Variants in XPO6 observed in about 807,000 individuals in gnomAD.
XPO6 encodes exportin 6.
Under a neutral mutation model 130.0 loss-of-function variants are expected in XPO6, and 3 were observed. The observed-to-expected ratio is 0.02, with a 90% CI of 0.01 to 0.06. XPO6 has a LOEUF of 0.06. Ranked by LOEUF, XPO6 falls within the 10% of genes least tolerant of loss-of-function variation. The probability of loss-of-function intolerance (pLI) is 1.00; values close to 1 mark genes in which losing one functional copy is unlikely to be tolerated. For missense variants in XPO6, 970 were observed against 1,393.0 expected, an observed-to-expected ratio of 0.70 and a Z score of 4.83; for synonymous variants, 524 against 548.9, an observed-to-expected ratio of 0.95 and a Z score of 0.63.
At chr16:28,165,369 C>T (rs979526549) in intron 6 of XPO6, 4 of 152,228 alleles carry the variant, frequency 2.6e-5, no homozygotes, top group African/African-American at 9.6e-5. Flanking sequence ...TATAAATCTG[C>T]TGAGCCACCT....
At chr16:28,194,577 C>G (rs919570324) in intron 1 of XPO6, among the ~76,000 whole-genome samples, 47 of 152,108 alleles carry the variant, frequency 3.1e-4, no homozygotes, top group African/African-American at 1.1e-3. Context: ...ACTCCCAAAC[C>G]TAGTGTCTGT....
intron 15 of XPO6, among the ~76,000 whole-genome samples, chr16:28,114,780 T>G (rs1460878745): frequency 3.3e-5 from 5 of 152,228 alleles, no homozygotes; most frequent in African/African-American, 4.8e-5. Flanking sequence ...TGCCGTTTCA[T>G]AGCATTTTGC....
At chr16:28,103,367 C>T (rs372461224) in intron 21 of XPO6, among the ~76,000 whole-genome samples, 3 of 152,182 alleles carry the variant, frequency 2.0e-5, no homozygotes, top group Non-Finnish European at 4.4e-5. Context: ...GAGGCATGCA[C>T]GAGCCTGTTC....
chr16:28,158,957 C>T (rs1018074833), intron 6 of XPO6, among the ~76,000 whole-genome samples: 3 of 152,070 alleles, frequency 2.0e-5, no homozygotes, highest in Non-Finnish European at 4.4e-5. Flanking sequence ...AGGCCAGGAG[C>T]GGTGGCTCAC....
chr16:28,127,674 C>T lies in XPO6; in HGVS notation c.1607-1826G>A, dbSNP rs149627637. Among the ~76,000 whole-genome samples, 278 of 152,298 alleles carry T rather than the reference C, an allele frequency of 1.8e-3. 8 individuals are homozygous for T. The East Asian group carries it at 0.045, about 24-fold the overall frequency. ...AAATGAAGTAGCAGGCTGAATGCCTCGATCCGCCACCAACGTCAAGGGATG... is the reference window on the plus strand; with the variant it reads ...AAATGAAGTAGCAGGCTGAATGCCTTGATCCGCCACCAACGTCAAGGGATG... On this transcript the variant is annotated intron_variant, in intron 12 of 23. Coordinates refer to ENST00000304658, the MANE Select transcript of XPO6 (RefSeq NM_015171.4).
At chr16:28,208,847 G>A (rs1596984462) in intron 1 of XPO6, 1 of 152,312 alleles carries the variant, frequency 6.6e-6, no homozygotes, top group Non-Finnish European at 1.5e-5. Flanking sequence ...CCTGGTATAT[G>A]GTGGTGGCTA....
chr16:28,143,197 G>A (rs1247544656), intron 9 of XPO6, among the ~76,000 whole-genome samples: 2 of 152,254 alleles, frequency 1.3e-5, no homozygotes, highest in Non-Finnish European at 2.9e-5. Flanking sequence ...ACAGATGCCA[G>A]GGCAGGCAGG....
intron 12 of XPO6, among the ~76,000 whole-genome samples, chr16:28,126,170 CAT>C (rs2087402976): frequency 6.6e-6 from 1 of 152,216 alleles, no homozygotes; most frequent in Non-Finnish European, 1.5e-5. Flanking sequence ...ATCACTGTTA[CAT>C]ACAAGGAGGC....
chr16:28,106,094 G>A lies in XPO6; in HGVS notation c.2733C>T (p.Leu911=), dbSNP rs775173121. The change falls in exon 20 of 24, where the codon CTC becomes CTT. Residue 911 remains leucine, a synonymous_variant. Transcript: ENST00000304658. This position sits in a 1 kb window ranked among gnomAD's most constrained non-coding sequence, Gnocchi z 4.2. ...CCATGCACAGGGCGATGATGCTGGG[G>A]AGGAAGGGCTTGAACACCTGGCCTG... The part of the protein sequence containing the change: ...QEPGQVFKPF[L]PSIIALCMEQ... 6.8e-6 allele frequency: 11 copies of A among 1,614,080 alleles called. No homozygotes were observed. In the African/African-American group the frequency reaches 1.1e-4, roughly 16 times the overall value.
intron 1 of XPO6, among the ~76,000 whole-genome samples, chr16:28,198,986 A>G (rs2043911483): frequency 6.6e-6 from 1 of 152,112 alleles, no homozygotes; most frequent in South Asian, 2.1e-4. Flanking sequence ...TCTATTAAAA[A>G]TATAAAAATT....
At chr16:28,211,095 A>G (rs1343162303) in intron 1 of XPO6, among the ~76,000 whole-genome samples, 1 of 152,168 alleles carries the variant, frequency 6.6e-6, no homozygotes, top group Non-Finnish European at 1.5e-5. Context: ...AACGATAGTT[A>G]TTATCCGGAG....
At chr16:28,144,373 A>G (rs879405833) in intron 9 of XPO6, among the ~76,000 whole-genome samples, 1 of 152,220 alleles carries the variant, frequency 6.6e-6, no homozygotes, top group African/African-American at 2.4e-5. Flanking sequence ...TTAATTTTCA[A>G]TAGAGACAGA....
intron 1 of XPO6, among the ~76,000 whole-genome samples, chr16:28,210,460 G>A (rs891442456): frequency 7.9e-5 from 12 of 152,236 alleles, no homozygotes; most frequent in African/African-American, 2.9e-4. Context: ...GCCAGGAGCT[G>A]GAGCAGATAA....
At chr16:28,104,405 T>G (rs1037543147) in intron 21 of XPO6, 141 bp downstream of exon 21, 5 of 1,104,152 alleles carry the variant, frequency 4.5e-6, no homozygotes, top group Non-Finnish European at 6.4e-6. Context: ...AAACTGAGGC[T>G]CCAAGAAATT....
intron 6 of XPO6, among the ~76,000 whole-genome samples, chr16:28,160,408 G>T (rs2141834121): frequency 6.7e-6 from 1 of 148,538 alleles, no homozygotes; most frequent in East Asian, 2.0e-4. Flanking sequence ...GGAGGCTGAG[G>T]CAGGAGAATC....
chr16:28,118,889 A>C (rs999816894), intron 14 of XPO6, among the ~76,000 whole-genome samples: 1 of 152,190 alleles, frequency 6.6e-6, no homozygotes, highest in African/African-American at 2.4e-5. Context: ...TTTTTCTCCA[A>C]GGTGCTCTGG....
chr16:28,211,420 C>A lies in XPO6; in HGVS notation c.-52G>T. The A allele has an allele frequency of 7.6e-7, 1 of 1,310,876 alleles. No individual in the cohort carries two copies. The highest frequency in any genetic ancestry group is 9.8e-7 in the Non-Finnish European group (1 of 1,021,100). 81.2% of individuals were successfully genotyped at this position (1,310,876 alleles called of 1,614,324 possible). Reference sequence around the variant, plus strand: ...TGAGCTGGTTCTTGGGCTTCGGACACGTCCCGCTCGCACAGTTCAGGTCAT... The same window carrying A: ...TGAGCTGGTTCTTGGGCTTCGGACAAGTCCCGCTCGCACAGTTCAGGTCAT... On this transcript the variant is annotated 5_prime_UTR_variant, in exon 1 of 24. Transcript: ENST00000304658.
intron 6 of XPO6, among the ~76,000 whole-genome samples, chr16:28,162,868 T>G (rs1175993604): frequency 6.6e-6 from 1 of 152,124 alleles, no homozygotes; most frequent in Non-Finnish European, 1.5e-5. Context: ...TGTAATAAAC[T>G]TTCGTGCAAA....
At chr16:28,201,718 T>C (rs770199179) in intron 1 of XPO6, among the ~76,000 whole-genome samples, 13 of 152,070 alleles carry the variant, frequency 8.5e-5, no homozygotes, top group Non-Finnish European at 1.2e-4. Flanking sequence ...TAGCCAGGCG[T>C]GGCAGCATGC....
Sources: allele counts gnomAD v4.1 joint callset (sites outside exome capture counted in the v4.1 genomes callset), GRCh38; gene constraint gnomAD v4.1.1; non-coding constraint Gnocchi (gnomAD v3.1); transcripts MANE v1.5; gene names NCBI Gene and HGNC (gene_info 2026-07-23, HGNC 2026-07-21).